Variants in CDH2 observed in about 807,000 individuals in gnomAD.
CDH2 encodes cadherin 2.
A neutral mutation model predicts 92.0 loss-of-function variants in CDH2; 17 were observed. The ratio of observed to expected loss-of-function variants is 0.18; its 90% CI spans 0.13 to 0.28. The LOEUF (loss-of-function observed/expected upper bound fraction) is 0.28, where lower values mean the gene tolerates loss of function less well. Ranked by LOEUF, CDH2 falls within the 10% of genes least tolerant of loss-of-function variation. The probability of loss-of-function intolerance (pLI) is 1.00; values close to 1 mark genes in which losing one functional copy is unlikely to be tolerated. For synonymous variants in CDH2, 419 were observed against 415.9 expected (o/e 1.01, Z -0.09); for missense variants, 862 against 1,133.1 (o/e 0.76, Z 3.44).
chr18:27,989,084 G>A lies in CDH2; in HGVS notation c.1599-418C>T, dbSNP rs17462871. Among the ~76,000 whole-genome samples the A allele has an allele frequency of 6.6e-3, 999 of 152,284 alleles. 23 individuals carry two copies. Among genetic ancestry groups the A allele is most frequent in the Admixed American group, 0.047 (712 of 15,284 alleles). On this transcript the variant is annotated intron_variant, in intron 10 of 15. Transcript: ENST00000269141. Reference sequence around the variant, plus strand: ...AATAGAAATTGAATACTGCATCACAGAACACTCCTAAAACATTTTAACACT... The same window carrying A: ...AATAGAAATTGAATACTGCATCACAAAACACTCCTAAAACATTTTAACACT...
intron 2 of CDH2, among the ~76,000 whole-genome samples, chr18:28,127,069 G>C (rs1158674338): frequency 6.6e-6 from 1 of 152,146 alleles, no homozygotes; most frequent in Admixed American, 6.6e-5. Flanking sequence ...CCACGCATGA[G>C]TTCTTAAGCA....
At chr18:28,121,650 T>C (rs1421081584) in intron 2 of CDH2, among the ~76,000 whole-genome samples, 1 of 151,982 alleles carries the variant, frequency 6.6e-6, no homozygotes, top group Non-Finnish European at 1.5e-5. Context: ...AATTCAACAC[T>C]CATCTACTAA....
At chr18:27,964,941 A>AG (rs1232888640) in intron 14 of CDH2, among the ~76,000 whole-genome samples, 1 of 152,174 alleles carries the variant, frequency 6.6e-6, no homozygotes, top group East Asian at 1.9e-4. Context: ...CAGGAATGTG[A>AG]GGAATGCTTA....
At chr18:28,111,463 A>G (rs2015412034) in intron 2 of CDH2, among the ~76,000 whole-genome samples, 2 of 152,218 alleles carry the variant, frequency 1.3e-5, no homozygotes, top group South Asian at 2.1e-4. Flanking sequence ...AAAGAAGGAA[A>G]GCACTCCGTC....
chr18:28,109,175 C>T (rs1239450121), intron 2 of CDH2, among the ~76,000 whole-genome samples: 1 of 152,042 alleles, frequency 6.6e-6, no homozygotes, highest in Non-Finnish European at 1.5e-5. Context: ...TTAAAATGGC[C>T]AATCAAATTA....
chr18:27,993,133 T>C (rs1279499881), intron 8 of CDH2, among the ~76,000 whole-genome samples: 1 of 152,198 alleles, frequency 6.6e-6, no homozygotes, highest in African/African-American at 2.4e-5. Flanking sequence ...AAAGAACTTG[T>C]CTGTGCAAAA....
intron 2 of CDH2, among the ~76,000 whole-genome samples, chr18:28,040,146 G>A (rs1188084757): frequency 1.3e-5 from 2 of 152,114 alleles, no homozygotes; most frequent in African/African-American, 4.8e-5. Context: ...TGTGCACAGG[G>A]CCTCAGAGCG....
chr18:28,159,008 T>A (rs1051483955), intron 1 of CDH2: 1 of 152,236 alleles, frequency 6.6e-6, no homozygotes, highest in African/African-American at 2.4e-5. Context: ...TTAAATTCTC[T>A]ATGGTAAACA....
intron 5 of CDH2, among the ~76,000 whole-genome samples, chr18:28,008,613 G>T (rs971246544): frequency 6.6e-6 from 1 of 152,030 alleles, no homozygotes; most frequent in Non-Finnish European, 1.5e-5. Flanking sequence ...GATGAGGGGG[G>T]AAGGATAGCA....
intron 2 of CDH2, among the ~76,000 whole-genome samples, chr18:28,020,351 T>C (rs2013375304): frequency 6.6e-6 from 1 of 151,990 alleles, no homozygotes. Flanking sequence ...AAAAAGACTT[T>C]AAGGCTTAAA....
intron 1 of CDH2, among the ~76,000 whole-genome samples, chr18:28,175,805 C>T (rs890450430): frequency 8.5e-5 from 13 of 152,220 alleles, no homozygotes; most frequent in African/African-American, 2.7e-4. Flanking sequence ...GGCAGGGGGA[C>T]CCTCCGTGGA....
chr18:27,934,267 T>C (rs1020469979), intron 6 of CDH2, among the ~76,000 whole-genome samples: 2 of 152,206 alleles, frequency 1.3e-5, no homozygotes, highest in African/African-American at 4.8e-5. Context: ...TCTGTATCGA[T>C]GTCTGTCAAA....
chr18:28,043,265 A>G (rs953023786), intron 2 of CDH2, among the ~76,000 whole-genome samples: 2 of 151,682 alleles, frequency 1.3e-5, no homozygotes, highest in Non-Finnish European at 2.9e-5. Context: ...ACAAAGGCAT[A>G]AGAATAATAT....
chr18:28,161,528 C>T lies in CDH2; in HGVS notation c.61-13744G>A, dbSNP rs542892640. On this transcript the variant is annotated intron_variant, in intron 1 of 15. Coordinates refer to ENST00000269141, the MANE Select transcript of CDH2 (RefSeq NM_001792.5). ...CCAGGAGGAGGAGAATGCAGTGAGC[C>T]GAGACTGCATCACTGCACTCCAGCC... 5.5e-5 allele frequency among the ~76,000 whole-genome samples: 8 copies of T among 146,586 alleles called. No individual in the cohort carries two copies. In the East Asian group the frequency reaches 8.0e-4, roughly 15 times the overall value.
At chr18:28,002,171 C>T (rs1315938842) in intron 7 of CDH2, among the ~76,000 whole-genome samples, 1 of 152,136 alleles carries the variant, frequency 6.6e-6, no homozygotes, top group Admixed American at 6.5e-5. Flanking sequence ...ATGAGCAGTG[C>T]TTGAATCAGA....
intron 2 of CDH2, chr18:28,045,315 C>T (rs2014051967): frequency 2.4e-6 from 1 of 417,504 alleles, no homozygotes; most frequent in Non-Finnish European, 4.8e-6. Flanking sequence ...CAAATTTACC[C>T]TCCCAACAGC....
intron 2 of CDH2, among the ~76,000 whole-genome samples, chr18:28,026,646 C>T (rs1212459755): frequency 6.6e-6 from 1 of 152,054 alleles, no homozygotes; most frequent in Non-Finnish European, 1.5e-5. Flanking sequence ...AAATGCTGTC[C>T]AACAGAAAAA....
chr18:28,130,328 A>G (rs2015745818), intron 2 of CDH2, among the ~76,000 whole-genome samples: 2 of 152,206 alleles, frequency 1.3e-5, no homozygotes, highest in Non-Finnish European at 2.9e-5. Context: ...AAGGAGGAGG[A>G]AATGCTTTTC....
At chr18:28,020,332 T>C (rs988186302) in intron 2 of CDH2, among the ~76,000 whole-genome samples, 7 of 152,038 alleles carry the variant, frequency 4.6e-5, no homozygotes, top group African/African-American at 1.7e-4. Context: ...TTTTAGTTCA[T>C]AGCCTTTCAA....
Sources: allele counts gnomAD v4.1 joint callset (sites outside exome capture counted in the v4.1 genomes callset), GRCh38; gene constraint gnomAD v4.1.1; transcripts MANE v1.5; gene names NCBI Gene and HGNC (gene_info 2026-07-23, HGNC 2026-07-21).